Variants in DRD4 observed in about 807,000 individuals in gnomAD.
The protein encoded by DRD4 is dopamine receptor D4, also known as D(4) dopamine receptor.
DRD4 carries 26 observed loss-of-function variants against 22.1 expected under a neutral mutation model. That is an observed-to-expected ratio of 1.17 (90% CI 0.86 to 1.63). The LOEUF (loss-of-function observed/expected upper bound fraction) is 1.63, where lower values mean the gene tolerates loss of function less well. Ranked by LOEUF, DRD4 falls within the 40% of genes most tolerant of loss-of-function variation. The probability of loss-of-function intolerance (pLI) is 0.00; values close to 1 mark genes in which losing one functional copy is unlikely to be tolerated. For missense variants in DRD4, 913 were observed against 632.4 expected (o/e 1.44, Z -4.76); for synonymous variants, 455 against 306.7 (o/e 1.48, Z -5.05).
In DRD4 at chr11:640,292, TGCCGGTGGTG is replaced by T. The variant is rs764073725; in HGVS notation, c.1045_1054del (p.Pro349SerfsTer79). 4 of 1,533,754 alleles carry T rather than the reference TGCCGGTGGTG, an allele frequency of 2.6e-6. No homozygotes were observed. The East Asian group carries it at 9.7e-5, about 37-fold the overall frequency. On this transcript the variant is annotated frameshift_variant, in exon 3 of 4. Transcript: ENST00000176183. LOFTEE classifies it low-confidence loss of function (END_TRUNC). The stretch of plus-strand genomic sequence containing the variant: ...CGGGAGCGCAAGGCCATGAGGGTCC[TGCCGGTGGTG>T]GTCGGTGGGTTCCTGTCCTGAGGGG...
Position 640,257 on chromosome 11 carries a change from G to C in DRD4, c.1008G>C (p.Lys336Asn). ...AGACCCGCAGGAGGCGGCGTGCCAA[G>C]ATCACCGGCCGGGAGCGCAAGGCCA... ...PPQTRRRRRA[K>N]ITGRERKAMR... Residue 336 changes from lysine to asparagine, a missense_variant, in exon 3 of 4, where the codon AAG (lysine) becomes AAC (asparagine). Physicochemically the swap from Lys to Asn is moderately conservative, Grantham distance 94. Transcript: ENST00000176183. 6.5e-7 allele frequency: 1 copy of C among 1,533,494 alleles called. No homozygotes were observed. The highest frequency in any genetic ancestry group is 8.7e-7 in the Non-Finnish European group (1 of 1,146,690). The allele number at this position is 1,533,494 out of a possible 1,614,324, so 95.0% of individuals were successfully genotyped here.
At chr11:639,375 G>C (rs12720406) in intron 1 of DRD4, 58 bp from the exon 2 acceptor site, 29 of 1,407,344 alleles carry the variant, frequency 2.1e-5, no homozygotes, top group African/African-American at 2.0e-4. Context: ...GAGTGGGGGC[G>C]GGTCACAAGG....
Position 640,073 on chromosome 11 carries a change from G to GC in DRD4, c.828dup (p.Asp277ArgfsTer173), listed in dbSNP as rs1858184366. On this transcript the variant is annotated frameshift_variant, in exon 3 of 4. Transcript: ENST00000176183. LOFTEE classifies it high-confidence loss of function. The stretch of plus-strand genomic sequence containing the variant: ...CCCGGCCTTCCCCGGGGTCCCTGCG[G>GC]CCCCGACTGTGCGCCCGCCGCGCCC... The GC allele has an allele frequency of 8.8e-7, 1 of 1,135,844 alleles. No individual in the cohort carries two copies. Among genetic ancestry groups the GC allele is most frequent in the African/African-American group, 1.7e-5 (1 of 58,410 alleles). The allele number at this position is 1,135,844 out of a possible 1,614,324, so 70.4% of individuals were successfully genotyped here.
Position 639,933 on chromosome 11 carries a change from C to T in DRD4, c.684C>T (p.Ala228=), listed in dbSNP as rs753123706. 179 of 1,533,006 alleles carry T rather than the reference C, an allele frequency of 1.2e-4. 3 individuals are homozygous for T. The East Asian group carries it at 1.4e-3, about 12-fold the overall frequency. The allele number at this position is 1,533,006 out of a possible 1,614,324, so 95.0% of individuals were successfully genotyped here. The part of the protein sequence containing the change: ...GLQRWEVARR[A]KLHGRAPRRP... Reference sequence around the variant, plus strand: ...AGCGCTGGGAGGTGGCACGTCGCGCCAAGCTGCACGGCCGCGCGCCCCGCC... The same window carrying T: ...AGCGCTGGGAGGTGGCACGTCGCGCTAAGCTGCACGGCCGCGCGCCCCGCC... The change falls in exon 3 of 4, where the codon GCC becomes GCT. Residue 228 remains alanine, a synonymous_variant. Coordinates refer to ENST00000176183, the MANE Select transcript of DRD4 (RefSeq NM_000797.4).
Position 639,671 on chromosome 11 carries a change from T to C in DRD4, c.422T>C (p.Leu141Pro), listed in dbSNP as rs1417992793. ...VDRFVAVAVPLRYNRQGGSRR... is the reference protein window; with the variant it reads ...VDRFVAVAVPPRYNRQGGSRR... ...AGGTTCGTGGCCGTGGCCGTGCCGC[T>C]GCGCTACAACCGGCAGGGTGGGAGC... Residue 141 changes from leucine (L) to proline (P), a missense_variant, in exon 3 of 4, where the codon CTG (leucine) becomes CCG (proline). Leu to Pro is a moderately conservative substitution (Grantham distance 98, BLOSUM62 -3). Transcript: ENST00000176183. 1.4e-6 allele frequency: 2 copies of C among 1,467,440 alleles called. No homozygotes were observed. Among genetic ancestry groups the C allele is most frequent in the Non-Finnish European group, 1.8e-6 (2 of 1,114,382 alleles). The allele number at this position is 1,467,440 out of a possible 1,614,324, so 90.9% of individuals were successfully genotyped here. A position where few individuals can be genotyped will look rare whatever the true frequency, so the allele number is the denominator to read the frequency against.
Position 640,207 on chromosome 11 carries a change from G to C in DRD4, c.958G>C (p.Ala320Pro). 1 of 1,531,958 alleles carries C rather than the reference G, an allele frequency of 6.5e-7. No homozygotes were observed. 94.9% of individuals were successfully genotyped at this position (1,531,958 alleles called of 1,614,324 possible). A position where few individuals can be genotyped will look rare whatever the true frequency, so the allele number is the denominator to read the frequency against. The change falls in exon 3 of 4, where the codon GCG becomes CCG. Residue 320 changes from alanine to proline, a missense_variant. Ala to Pro is a conservative substitution (Grantham distance 27). Coordinates refer to ENST00000176183, the MANE Select transcript of DRD4 (RefSeq NM_000797.4). ...TCCCCCCGACGCCGTCAGAGCCGCC[G>C]CGCTCCCACCCCAGACTCCACCGCA... The part of the protein sequence containing the change: ...CAPPDAVRAA[A>P]LPPQTPPQTR...
At chr11:639,211 A>G in intron 1 of DRD4, 1 of 562,834 alleles carries the variant, frequency 1.8e-6, no homozygotes, top group Non-Finnish European at 3.2e-6. Flanking sequence ...GCCATGATGG[A>G]GCCACAGCAC....
In DRD4 at chr11:639,550, GCCGCCCTCC is replaced by G. The variant is rs746700480; in HGVS notation, c.398+12_398+20del. 56 of 1,507,794 alleles carry G rather than the reference GCCGCCCTCC, an allele frequency of 3.7e-5. No homozygotes were observed. In the East Asian group the frequency reaches 4.2e-4, roughly 11 times the overall value. The allele number at this position is 1,507,794 out of a possible 1,614,324, so 93.4% of individuals were successfully genotyped here. On this transcript the variant is annotated splice_donor_region_variant and intron_variant, in intron 2 of 3. Coordinates refer to ENST00000176183, the MANE Select transcript of DRD4 (RefSeq NM_000797.4). The stretch of plus-strand genomic sequence containing the variant: ...GTGCGCCATCAGCGTGGACAGGTGC[GCCGCCCTCC>G]CCGCCCGCGCCCCGGCGCCCCCGCG...
In DRD4 at chr11:640,167, C is replaced by T. The variant is rs952718802; in HGVS notation, c.918C>T (p.Cys306=). The change falls in exon 3 of 4, where the codon TGC becomes TGT. Residue 306 remains cysteine (C), a synonymous_variant. Transcript: ENST00000176183. ...PPAPGLPPDP[C]GSNCAPPDAV... ...CGCCCGGCCTCCCCCCGGACCCCTG[C>T]GGCTCCAACTGTGCTCCCCCCGACG... 37 of 1,520,884 alleles carry T rather than the reference C, an allele frequency of 2.4e-5. No individual in the cohort carries two copies. In the African/African-American group the frequency reaches 2.5e-4, roughly 10 times the overall value. The allele number at this position is 1,520,884 out of a possible 1,614,324, so 94.2% of individuals were successfully genotyped here.
Position 640,291 on chromosome 11 carries a change from C to A in DRD4, c.1042C>A (p.Leu348Met). ...TGRERKAMRV[L>M]PVVVGAFLLC... is the part of the protein sequence containing the mutation. ...CCGGGAGCGCAAGGCCATGAGGGTC[C>A]TGCCGGTGGTGGTCGGTGGGTTCCT... Residue 348 changes from leucine (L) to methionine (M), a missense_variant, in exon 3 of 4, where the codon CTG (leucine) becomes ATG (methionine). Leu to Met is a conservative substitution (Grantham distance 15, BLOSUM62 2). Coordinates refer to ENST00000176183, the MANE Select transcript of DRD4 (RefSeq NM_000797.4). 1 of 1,535,970 alleles carries A rather than the reference C, an allele frequency of 6.5e-7. No homozygotes were observed. Among genetic ancestry groups the A allele is most frequent in the East Asian group, 2.4e-5 (1 of 41,250 alleles).
intron 1 of DRD4, 92 bp from the exon 2 acceptor site, chr11:639,341 A>T (rs1443379340): frequency 2.4e-5 from 30 of 1,240,244 alleles, no homozygotes; most frequent in Non-Finnish European, 3.4e-5. Flanking sequence ...CCTTCTCCGT[A>T]TTCAGCCCTG....
Position 637,274 on chromosome 11 carries a change from C to G in DRD4, c.-31C>G. 1.7e-6 allele frequency: 2 copies of G among 1,171,546 alleles called. No individual in the cohort carries two copies. Among genetic ancestry groups the G allele is most frequent in the African/African-American group, 1.6e-5 (1 of 61,694 alleles). The allele number at this position is 1,171,546 out of a possible 1,614,324, so 72.6% of individuals were successfully genotyped here. ...TCCCCGGCTTGCGACCCGGCGTTGT[C>G]CGCGGTGCTCAGCGCCCGCCCGGGC... is the stretch of plus-strand genomic sequence containing the variant. On this transcript the variant is annotated 5_prime_UTR_variant, in exon 1 of 4. Transcript: ENST00000176183.
intron 3 of DRD4, 35 bp downstream of exon 3, chr11:640,341 A>G (rs567735616): frequency 2.3e-4 from 283 of 1,248,246 alleles, no homozygotes; most frequent in African/African-American, 2.9e-4. Context: ...GGAGGAGAGG[A>G]GGGGGGGGGT....
Position 637,440 on chromosome 11 carries a change from G to C in DRD4, c.136G>C (p.Gly46Arg). 6.5e-7 allele frequency: 1 copy of C among 1,532,388 alleles called. No homozygotes were observed. The highest frequency in any genetic ancestry group is 2.5e-5 in the East Asian group (1 of 40,762). 94.9% of individuals were successfully genotyped at this position (1,532,388 alleles called of 1,614,324 possible). A position where few individuals can be genotyped will look rare whatever the true frequency, so the allele number is the denominator to read the frequency against. ...AALVGGVLLI[G>R]AVLAGNSLVC... ...GCTGGTGGGGGGCGTGCTGCTCATC[G>C]GCGCGGTGCTCGCGGGGAACTCGCT... is the stretch of plus-strand genomic sequence containing the variant. Residue 46 changes from glycine (G) to arginine (R), a missense_variant, in exon 1 of 4, where the codon GGC becomes CGC. Transcript: ENST00000176183.
At chr11:637,830 G>A (rs1858099059) in intron 1 of DRD4, among the ~76,000 whole-genome samples, 1 of 152,212 alleles carries the variant, frequency 6.6e-6, no homozygotes, top group South Asian at 2.1e-4. Flanking sequence ...CGTCTGTCTT[G>A]GCGTCTGTTA....
Position 639,871 on chromosome 11 carries a change from A to ATGC in DRD4, c.630_632dup (p.Leu211dup). 2 of 1,565,286 alleles carry ATGC rather than the reference A, an allele frequency of 1.3e-6. No individual in the cohort carries two copies. The highest frequency in any genetic ancestry group is 1.7e-6 in the Non-Finnish European group (2 of 1,160,806). ...CTCCTTCTTCCTACCCTGCCCGCTC[A>ATGC]TGCTGCTGCTCTACTGGGCCACGTT... is the stretch of plus-strand genomic sequence containing the variant. On this transcript the variant is annotated inframe_insertion, in exon 3 of 4. Transcript: ENST00000176183.
Position 640,215 on chromosome 11 carries a change from A to C in DRD4, c.966A>C (p.Pro322=). The stretch of plus-strand genomic sequence containing the variant: ...ACGCCGTCAGAGCCGCCGCGCTCCC[A>C]CCCCAGACTCCACCGCAGACCCGCA... ...PPDAVRAAAL[P]PQTPPQTRRR... is the part of the protein sequence containing the mutation. Residue 322 remains proline (P), a synonymous_variant, in exon 3 of 4, where the codon CCA becomes CCC. Transcript: ENST00000176183. The C allele has an allele frequency of 6.5e-7, 1 of 1,530,052 alleles. No individual in the cohort carries two copies. Among genetic ancestry groups the C allele is most frequent in the Non-Finnish European group, 8.7e-7 (1 of 1,145,670 alleles). The allele number at this position is 1,530,052 out of a possible 1,614,324, so 94.8% of individuals were successfully genotyped here.
At chr11:637,964 C>T (rs1268529419) in intron 1 of DRD4, among the ~76,000 whole-genome samples, 2 of 144,864 alleles carry the variant, frequency 1.4e-5, no homozygotes, top group African/African-American at 2.6e-5. Flanking sequence ...CAGATGCAGG[C>T]TCAGCCCCCT....
Position 637,534 on chromosome 11 carries a change from C to T in DRD4, c.230C>T (p.Ala77Val), listed in dbSNP as rs745308930. The change falls in exon 1 of 4, where the codon GCG becomes GTG. Residue 77 changes from alanine (A) to valine (V), a missense_variant. By Grantham distance (64) the Ala-to-Val change is moderately conservative. Transcript: ENST00000176183. ...ACCAACTCCTTCATCGTGAGCCTGGCGGCCGCCGACCTCCTCCTCGCTCTC... is the reference window on the plus strand; with the variant it reads ...ACCAACTCCTTCATCGTGAGCCTGGTGGCCGCCGACCTCCTCCTCGCTCTC... ...TPTNSFIVSL[A>V]AADLLLALLV... 87 of 1,563,648 alleles carry T rather than the reference C, an allele frequency of 5.6e-5. No homozygotes were observed. Among genetic ancestry groups the T allele is most frequent in the Non-Finnish European group, 6.3e-5 (73 of 1,159,552 alleles).
Sources: allele counts gnomAD v4.1 joint callset (sites outside exome capture counted in the v4.1 genomes callset), GRCh38; gene constraint gnomAD v4.1.1; transcripts MANE v1.5; gene names NCBI Gene and HGNC (gene_info 2026-07-23, HGNC 2026-07-21).